The following COMMD5 variants were observed in gnomAD, a reference collection of about 807,000 sequenced individuals.
The protein encoded by COMMD5 is COMM domain containing 5.
COMMD5 carries 10 observed loss-of-function variants against 6.9 expected under a neutral mutation model. The observed-to-expected ratio is 1.44, with a 90% confidence interval of 0.89 to 2.45. The LOEUF is 2.45. Ranked by LOEUF, COMMD5 falls within the 30% of genes most tolerant of loss-of-function variation. COMMD5 has a pLI of 0.00. For missense variants in COMMD5, 234 were observed against 287.8 expected (o/e 0.81, Z 1.35); for synonymous variants, 127 against 125.3 (o/e 1.01, Z -0.09).
chr8:144,842,909 G>C, intron 1 of COMMD5: 2 of 1,614,164 alleles, frequency 1.2e-6, no homozygotes, highest in Non-Finnish European at 8.5e-7. Context: ...GAACACCAGA[G>C]AATACACACT....
rs1270242290 is a variant in COMMD5 at position 144,850,856 on chromosome 8, T to C, written c.483A>G (p.Val161=). ...GAGCCAGGGCACTGGTGGAGATTGCTACATCCACCCGCCACCGAAAGTCAG... is the reference window on the plus strand; with the variant it reads ...GAGCCAGGGCACTGGTGGAGATTGCCACATCCACCCGCCACCGAAAGTCAG... ...HVADFRWRVD[V]AISTSALARS... The change falls in exon 2 of 2, where the codon GTA becomes GTG. Residue 161 remains valine (V), a synonymous_variant. Coordinates refer to ENST00000305103, the MANE Select transcript of COMMD5 (RefSeq NM_014066.4). The surrounding 1 kb of genome is among the most constrained non-coding windows in gnomAD (Gnocchi z 4.0). The C allele has an allele frequency of 1.2e-6, 2 of 1,613,440 alleles. No homozygotes were observed. The highest frequency in any genetic ancestry group is 1.7e-6 in the Non-Finnish European group (2 of 1,179,904).
downstream of COMMD5, among the ~76,000 whole-genome samples, chr8:144,848,629 T>C (rs116812888): frequency 5.4e-3 from 828 of 152,356 alleles, 6 homozygotes; most frequent in African/African-American, 0.019. Context: ...GTTTACTCTC[T>C]GGCCCTTTGT....
intron 1 of COMMD5, chr8:144,842,427 TTA>T: frequency 3.1e-6 from 5 of 1,613,874 alleles, no homozygotes; most frequent in Non-Finnish European, 4.2e-6. Flanking sequence ...GAGAGAAGCC[TTA>T]TAAATGCAAC....
chr8:144,850,631 G>A lies in COMMD5; in HGVS notation c.*33C>T, dbSNP rs1337322386. On this transcript the variant is annotated 3_prime_UTR_variant, in exon 2 of 2. Transcript: ENST00000305103. This position sits in a 1 kb window ranked among gnomAD's most constrained non-coding sequence, Gnocchi z 4.0. ...GGCACCATCTCAGGTGCCTGTCCAA[G>A]CCGGATCTGAATGGGACTGGTCAAG... The A allele has an allele frequency of 1.9e-6, 3 of 1,590,660 alleles. No homozygotes were observed. The highest frequency in any genetic ancestry group is 1.7e-5 in the Admixed American group (1 of 59,244).
chr8:144,843,389 A>G (rs556033117), intron 1 of COMMD5: 83 of 481,810 alleles, frequency 1.7e-4, no homozygotes, highest in Non-Finnish European at 2.8e-4. Context: ...GGAGGTTGAG[A>G]CCATCCTGGG....
At chr8:144,840,575 T>G (rs1829758730), downstream of COMMD5, among the ~76,000 whole-genome samples, 1 of 152,196 alleles carries the variant, frequency 6.6e-6, no homozygotes, top group Non-Finnish European at 1.5e-5. Flanking sequence ...ATGTCTGACC[T>G]CAGCAGAGGT....
rs755666992 is a variant in COMMD5, at chr8:144,841,373, A to T, written c.*487T>A. Reference sequence around the variant, plus strand: ...ATTTCAGATTCTACGATTAGGACTGAAAATGAGCAGGCCTGTGAGGACATG... The same window carrying T: ...ATTTCAGATTCTACGATTAGGACTGTAAATGAGCAGGCCTGTGAGGACATG... On this transcript the variant is annotated 3_prime_UTR_variant and NMD_transcript_variant, in exon 2 of 2. Coordinates refer to the COMMD5 transcript ENST00000530332. 3 of 1,605,610 alleles carry T rather than the reference A, an allele frequency of 1.9e-6. No individual in the cohort carries two copies. In the South Asian group the frequency reaches 3.3e-5, roughly 18 times the overall value.
At chr8:144,843,982 G>A (rs1417487185) in intron 1 of COMMD5, among the ~76,000 whole-genome samples, 1 of 152,114 alleles carries the variant, frequency 6.6e-6, no homozygotes, top group Non-Finnish European at 1.5e-5. Flanking sequence ...CCTCAGAGAG[G>A]CAGGCTGGGC....
intron 1 of COMMD5, chr8:144,841,853 C>G (rs768311169): frequency 6.2e-7 from 1 of 1,614,128 alleles, no homozygotes; most frequent in Non-Finnish European, 8.5e-7. Context: ...GGAGAGAAGC[C>G]GTACGAATGT....
chr8:144,844,732 AAAAAC>A (rs1830409913), intron 1 of COMMD5, among the ~76,000 whole-genome samples: 1 of 135,290 alleles, frequency 7.4e-6, no homozygotes, highest in African/African-American at 2.7e-5. Flanking sequence ...AAAAAAAAAA[AAAAAC>A]GAAAATGGGA....
At chr8:144,843,456 C>T (rs567120712) in intron 1 of COMMD5, 194 of 247,338 alleles carry the variant, frequency 7.8e-4, no homozygotes, top group East Asian at 1.0e-3. Flanking sequence ...GGCGTGGTGG[C>T]AGGCACCTGT....
chr8:144,841,821 G>T (rs1256302465), intron 1 of COMMD5: 3 of 1,614,116 alleles, frequency 1.9e-6, no homozygotes, highest in Admixed American at 3.3e-5. Context: ...GCTTGCAGGG[G>T]AAACATACAA....
downstream of COMMD5, chr8:144,845,945 C>A: frequency 6.5e-7 from 1 of 1,532,606 alleles, no homozygotes; most frequent in Non-Finnish European, 8.7e-7. Flanking sequence ...TCAGGTCTAG[C>A]ACAGGGGTTG....
intron 1 of COMMD5, chr8:144,842,208 T>G: frequency 6.2e-7 from 1 of 1,614,018 alleles, no homozygotes; most frequent in Non-Finnish European, 8.5e-7. Flanking sequence ...GCAAGGAGTG[T>G]GGGAAGGCCT....
chr8:144,853,173 G>GGGGGTCGCCGGC (rs1484653219), upstream of COMMD5: 6 of 152,118 alleles, frequency 3.9e-5, no homozygotes, highest in Admixed American at 1.3e-4. Flanking sequence ...CGGGGGAATC[G>GGGGGTCGCCGGC]GGGGTCGCCG....
downstream of COMMD5, chr8:144,838,114 T>A: frequency 1.4e-6 from 1 of 702,836 alleles, no homozygotes; most frequent in East Asian, 2.7e-5. Flanking sequence ...CAGCTGGTGG[T>A]TTTCTGGCAG....
At chr8:144,841,713 C>T in exon 2 of COMMD5, 11 of 1,614,134 alleles carry the variant, frequency 6.8e-6, no homozygotes, top group Non-Finnish European at 9.3e-6. Context: ...AGGAGTGTGG[C>T]AAAGGCATCA....
intron 1 of COMMD5, chr8:144,842,937 C>G (rs9004): frequency 6.8e-6 from 11 of 1,613,750 alleles, no homozygotes; most frequent in Non-Finnish European, 8.5e-6. Flanking sequence ...AGTGGTTTTA[C>G]GAATATGGGA....
chr8:144,841,888 C>T (rs1488138928), intron 1 of COMMD5: 5 of 1,613,936 alleles, frequency 3.1e-6, no homozygotes, highest in Non-Finnish European at 4.2e-6. Context: ...AGTCTTCAGG[C>T]TCTGCTCGCA....
Sources: gnomAD v4.1 joint callset for allele counts (sites outside exome capture counted in the v4.1 genomes callset) on GRCh38, gnomAD v4.1.1 for gene constraint, Gnocchi (gnomAD v3.1) non-coding constraint, MANE v1.5 for transcripts, NCBI Gene and HGNC (gene_info 2026-07-23, HGNC 2026-07-21) for gene names.